CDH8: variants seen among roughly 807,000 people sequenced by gnomAD.
CDH8 encodes the protein cadherin-8.
Under a neutral mutation model 68.1 loss-of-function variants are expected in CDH8, and 17 were observed. The ratio of observed to expected loss-of-function variants is 0.25; its 90% CI spans 0.17 to 0.37. The LOEUF (loss-of-function observed/expected upper bound fraction) is 0.37. CDH8 is among the 10% of genes least tolerant of loss of function. The pLI, the probability that CDH8 is intolerant of heterozygous loss-of-function variation, is 1.00. For synonymous variants in CDH8, 372 were observed against 365.1 expected, an observed-to-expected ratio of 1.02 and a Z score of -0.21; for missense variants, 763 against 999.3, an observed-to-expected ratio of 0.76 and a Z score of 3.19.
intron 3 of CDH8, among the ~76,000 whole-genome samples, chr16:61,882,033 A>T (rs1412347961): frequency 6.6e-6 from 1 of 152,204 alleles, no homozygotes; most frequent in Non-Finnish European, 1.5e-5. Flanking sequence ...AAAATCTTAG[A>T]ATTAATCAAG....
chr16:61,881,143 C>A (rs1325799785), intron 3 of CDH8, among the ~76,000 whole-genome samples: 2 of 152,184 alleles, frequency 1.3e-5, no homozygotes, highest in Non-Finnish European at 2.9e-5. Context: ...GATCTACAGA[C>A]CTTCTGAATG....
At chr16:62,033,091 A>G (rs1488960751) in intron 1 of CDH8, among the ~76,000 whole-genome samples, 1 of 152,198 alleles carries the variant, frequency 6.6e-6, no homozygotes, top group Non-Finnish European at 1.5e-5. Context: ...CTGACTAACA[A>G]GCAGTATCAG....
intron 3 of CDH8, among the ~76,000 whole-genome samples, chr16:61,889,866 G>A (rs182168850): frequency 6.6e-6 from 1 of 152,214 alleles, no homozygotes; most frequent in Admixed American, 6.5e-5. Context: ...AGGATCATGG[G>A]GTTGTCTGTG....
intron 1 of CDH8, among the ~76,000 whole-genome samples, chr16:62,029,009 T>C (rs1001024421): frequency 1.3e-5 from 2 of 152,058 alleles, no homozygotes; most frequent in East Asian, 3.9e-4. Context: ...GAAAGCCCCA[T>C]GAGATAGCTG....
chr16:61,948,199 A>T (rs1964830127), intron 2 of CDH8, among the ~76,000 whole-genome samples: 1 of 152,222 alleles, frequency 6.6e-6, no homozygotes, highest in East Asian at 1.9e-4. Flanking sequence ...TAAAATATGT[A>T]TGAAAGCATT....
chr16:61,817,365 T>G (rs1190581448), intron 7 of CDH8, 114 bp downstream of exon 7: 20 of 952,384 alleles, frequency 2.1e-5, no homozygotes, highest in Non-Finnish European at 3.1e-5. Context: ...CAACATTATT[T>G]GGTCATGTGA....
intron 2 of CDH8, chr16:61,918,407 G>C (rs536680339): frequency 8.7e-4 from 134 of 154,772 alleles, no homozygotes; most frequent in Non-Finnish European, 1.6e-3. Flanking sequence ...GAGGTACCCG[G>C]TTCATCTCAC....
chr16:61,997,693 T>C (rs904160293), intron 2 of CDH8, among the ~76,000 whole-genome samples: 2 of 152,112 alleles, frequency 1.3e-5, no homozygotes, highest in Admixed American at 6.6e-5. Flanking sequence ...GCATCATCAA[T>C]ATTGAGATAA....
Position 61,652,731 on chromosome 16 carries a change from T to C in CDH8, c.*877A>G. ...TCTATAGATTACCGACCTTAATAAA[T>C]AAAAGCATTAATGGACATCAATAAA... On this transcript the variant is annotated 3_prime_UTR_variant, in exon 12 of 12. Coordinates refer to ENST00000577390, the MANE Select transcript of CDH8 (RefSeq NM_001796.5). 1 of 1,292,556 alleles carries C rather than the reference T, an allele frequency of 7.7e-7. No individual in the cohort carries two copies. Among genetic ancestry groups the C allele is most frequent in the Non-Finnish European group, 9.8e-7 (1 of 1,021,000 alleles). The allele number at this position is 1,292,556 out of a possible 1,614,324, so 80.1% of individuals were successfully genotyped here.
At chr16:61,912,306 CTG>C (rs923696869) in intron 2 of CDH8, among the ~76,000 whole-genome samples, 2 of 151,932 alleles carry the variant, frequency 1.3e-5, no homozygotes, top group African/African-American at 4.8e-5. Flanking sequence ...ATGTTTTTTT[CTG>C]TGTCAAAATG....
chr16:61,763,012 T>G (rs565622053), intron 8 of CDH8, among the ~76,000 whole-genome samples: 1 of 152,120 alleles, frequency 6.6e-6, no homozygotes, highest in Non-Finnish European at 1.5e-5. Context: ...ATAAGAGCAT[T>G]TGGACACCAA....
At chr16:61,999,004 A>C (rs1965850847) in intron 2 of CDH8, among the ~76,000 whole-genome samples, 1 of 152,166 alleles carries the variant, frequency 6.6e-6, no homozygotes, top group Admixed American at 6.5e-5. Context: ...AGTTAAGTAC[A>C]AGAGTCTCAT....
intron 2 of CDH8, among the ~76,000 whole-genome samples, chr16:61,908,777 A>G (rs1478482575): frequency 6.6e-6 from 1 of 152,204 alleles, no homozygotes; most frequent in Non-Finnish European, 1.5e-5. Context: ...AGGCAAATAT[A>G]GTTATCTTTC....
chr16:61,867,898 ACTAAAAG>A (rs1963285774), intron 3 of CDH8, among the ~76,000 whole-genome samples: 1 of 152,220 alleles, frequency 6.6e-6, no homozygotes, highest in South Asian at 2.1e-4. Context: ...CCCCTTTTAG[ACTAAAAG>A]CTTCTTAGGA....
chr16:61,699,845 G>T (rs1255728705), intron 10 of CDH8, among the ~76,000 whole-genome samples: 1 of 152,164 alleles, frequency 6.6e-6, no homozygotes, highest in Non-Finnish European at 1.5e-5. Flanking sequence ...CAAAATGTTG[G>T]GATTACAGGC....
intron 2 of CDH8, among the ~76,000 whole-genome samples, chr16:61,906,599 G>C (rs1964067083): frequency 6.6e-6 from 1 of 152,268 alleles, no homozygotes; most frequent in Admixed American, 6.5e-5. Context: ...TACTATAAAA[G>C]TTTCATGGGA....
intron 1 of CDH8, chr16:62,034,997 C>G (rs1389833588): frequency 6.6e-6 from 1 of 152,322 alleles, no homozygotes; most frequent in East Asian, 1.9e-4. Flanking sequence ...AAGGGTCAAC[C>G]GCAAGGAAAC....
chr16:62,027,716 C>T lies in CDH8; in HGVS notation c.-199-6114G>A, dbSNP rs74021719. On this transcript the variant is annotated intron_variant, in intron 1 of 11. Coordinates refer to ENST00000577390, the MANE Select transcript of CDH8 (RefSeq NM_001796.5). ...TGTGACCCAGAGCAATTCACCCAAG[C>T]CCTGGCTGAATGGGGCTGAGCAGGT... Among the ~76,000 whole-genome samples the T allele has an allele frequency of 1.1e-3, 172 of 152,282 alleles. 2 individuals are homozygous for T. Among genetic ancestry groups the T allele is most frequent in the African/African-American group, 3.9e-3 (164 of 41,564 alleles).
intron 2 of CDH8, among the ~76,000 whole-genome samples, chr16:61,959,264 C>T (rs1307122611): frequency 1.3e-5 from 2 of 151,908 alleles, no homozygotes; most frequent in Admixed American, 6.6e-5. Flanking sequence ...CTTGTGGTGC[C>T]CAGTACAAAA....
Sources: gnomAD v4.1 joint callset for allele counts (sites outside exome capture counted in the v4.1 genomes callset) on GRCh38, gnomAD v4.1.1 for gene constraint, MANE v1.5 for transcripts, NCBI Gene and HGNC (gene_info 2026-07-23, HGNC 2026-07-21) for gene names.